PDE4D: variants seen among roughly 807,000 people sequenced by gnomAD.
PDE4D encodes 3',5'-cyclic-AMP phosphodiesterase 4D.
In PDE4D, 24 loss-of-function variants were observed where a neutral mutation model predicts 87.4. The ratio of observed to expected loss-of-function variants is 0.27; its 90% CI spans 0.20 to 0.39. The LOEUF is 0.39. Among genes scored for constraint, PDE4D ranks in the 10% least tolerant of loss-of-function variants. PDE4D has a pLI of 1.00. For synonymous variants in PDE4D, 384 were observed against 383.2 expected (o/e 1.00, Z -0.02); for missense variants, 714 against 1,041.0 (o/e 0.69, Z 4.32).
chr5:59,512,177 T>C (rs1218051317), intron 1 of PDE4D, among the ~76,000 whole-genome samples: 2 of 152,192 alleles, frequency 1.3e-5, no homozygotes, highest in African/African-American at 2.4e-5. Flanking sequence ...GAATACCATG[T>C]TGTAAAATCC....
chr5:59,119,635 C>T (rs1774159432), intron 5 of PDE4D, among the ~76,000 whole-genome samples: 1 of 152,116 alleles, frequency 6.6e-6, no homozygotes. Context: ...GTGACTTTTA[C>T]ATCAGTAACA....
At chr5:60,338,318 G>A (rs1227961687) in intron 1 of PDE4D, among the ~76,000 whole-genome samples, 1 of 152,158 alleles carries the variant, frequency 6.6e-6, no homozygotes, top group Non-Finnish European at 1.5e-5. Context: ...CAAAAACCCA[G>A]GCGCGCAAGA....
At chr5:60,224,238 C>G (rs1370328788) in intron 1 of PDE4D, among the ~76,000 whole-genome samples, 1 of 152,026 alleles carries the variant, frequency 6.6e-6, no homozygotes, top group Non-Finnish European at 1.5e-5. Context: ...TTTGTGAGTT[C>G]TTCTCTGACC....
intron 2 of PDE4D, among the ~76,000 whole-genome samples, chr5:60,063,144 A>T (rs1771652304): frequency 6.6e-6 from 1 of 151,180 alleles, no homozygotes; most frequent in African/African-American, 2.4e-5. Context: ...GAAAGAAAGA[A>T]AGAAAGAAAG....
intron 2 of PDE4D, among the ~76,000 whole-genome samples, chr5:60,089,707 T>C (rs1774911908): frequency 6.6e-6 from 1 of 150,656 alleles, no homozygotes; most frequent in Non-Finnish European, 1.5e-5. Flanking sequence ...CATAAATAAA[T>C]AAAATTTGAA....
chr5:60,218,369 A>G (rs1169944999), intron 1 of PDE4D, among the ~76,000 whole-genome samples: 1 of 151,984 alleles, frequency 6.6e-6, no homozygotes, highest in Non-Finnish European at 1.5e-5. Flanking sequence ...TTAACTGGGA[A>G]GGGATGAGAA....
chr5:59,999,008 G>A (rs1370593575), intron 2 of PDE4D, among the ~76,000 whole-genome samples: 1 of 152,146 alleles, frequency 6.6e-6, no homozygotes, highest in Non-Finnish European at 1.5e-5. Context: ...CTCCACCAGA[G>A]ACGCCAACTT....
intron 1 of PDE4D, among the ~76,000 whole-genome samples, chr5:59,781,166 C>CAAA (rs11450737): frequency 8.3e-4 from 57 of 68,548 alleles, no homozygotes; most frequent in Admixed American, 1.1e-3. Flanking sequence ...AACTCCTTCT[C>CAAA]AAAAAAAAAA....
chr5:59,661,911 T>C (rs1244661885), intron 1 of PDE4D, among the ~76,000 whole-genome samples: 3 of 152,208 alleles, frequency 2.0e-5, no homozygotes, highest in African/African-American at 2.4e-5. Context: ...TTATAGACTA[T>C]ATTATTGTTC....
intron 1 of PDE4D, among the ~76,000 whole-genome samples, chr5:59,474,448 C>T (rs1802966938): frequency 6.6e-6 from 1 of 152,048 alleles, no homozygotes; most frequent in South Asian, 2.1e-4. Flanking sequence ...GTAAGATTGC[C>T]CTTAGCCTCC....
chr5:60,311,844 T>C (rs549885001), intron 1 of PDE4D, among the ~76,000 whole-genome samples: 3 of 152,232 alleles, frequency 2.0e-5, no homozygotes, highest in East Asian at 1.9e-4. Context: ...GTGACACTCA[T>C]AGGCTCAAAG....
At chr5:59,205,280 A>G (rs1227022402) in intron 2 of PDE4D, among the ~76,000 whole-genome samples, 1 of 152,142 alleles carries the variant, frequency 6.6e-6, no homozygotes, top group Non-Finnish European at 1.5e-5. Flanking sequence ...CACTGAAGTG[A>G]AAATGTCTTT....
chr5:59,668,845 G>GAAGAAGAA (rs1746601354), intron 1 of PDE4D, among the ~76,000 whole-genome samples: 3 of 62,122 alleles, frequency 4.8e-5, no homozygotes, highest in African/African-American at 6.6e-5. Flanking sequence ...AAGAGGAAGA[G>GAAGAAGAA]GAAGAAGAAG....
At chr5:59,581,680 A>G (rs1432406381) in intron 1 of PDE4D, among the ~76,000 whole-genome samples, 1 of 152,202 alleles carries the variant, frequency 6.6e-6, no homozygotes, top group Non-Finnish European at 1.5e-5. Context: ...TACTAATAAC[A>G]ACTTTGCTCC....
chr5:59,746,149 G>C, intron 1 of PDE4D, among the ~76,000 whole-genome samples: 1 of 152,028 alleles, frequency 6.6e-6, no homozygotes, highest in Non-Finnish European at 1.5e-5. Context: ...TCATATTCAA[G>C]AACAGGATTT....
At position 59,639,104 on chromosome 5, in the gene PDE4D, C is replaced by T. The variant is rs1026208320; in HGVS notation, c.455+254064G>A. Among the ~76,000 whole-genome samples the T allele has an allele frequency of 4.6e-5, 7 of 152,056 alleles. No homozygotes were observed. In the East Asian group the frequency reaches 1.3e-3, roughly 29 times the overall value. ...CATTTTCCACAAATTTTTCTATGCA[C>T]ATTATTTAATAATTTTTTATAATAT... On this transcript the variant is annotated intron_variant, in intron 1 of 14. Coordinates refer to ENST00000340635, the MANE Select transcript of PDE4D (RefSeq NM_001104631.2).
intron 1 of PDE4D, among the ~76,000 whole-genome samples, chr5:59,455,903 G>T (rs1011865624): frequency 1.3e-5 from 2 of 152,196 alleles, no homozygotes; most frequent in Middle Eastern, 3.2e-3. Context: ...TGGGGCCTAT[G>T]GCCCCTTTGT....
chr5:59,668,546 C>T (rs1482198832), intron 1 of PDE4D, among the ~76,000 whole-genome samples: 3 of 151,776 alleles, frequency 2.0e-5, no homozygotes, highest in African/African-American at 7.3e-5. Context: ...CTTTTCTCTA[C>T]AAAATTTAAA....
At chr5:59,953,012 T>G (rs191712587) in intron 3 of PDE4D, among the ~76,000 whole-genome samples, 1 of 152,154 alleles carries the variant, frequency 6.6e-6, no homozygotes, top group Non-Finnish European at 1.5e-5. Context: ...AATAGAAAAC[T>G]AATACATCCC....
Sources: gnomAD v4.1 joint callset for allele counts (sites outside exome capture counted in the v4.1 genomes callset) on GRCh38, gnomAD v4.1.1 for gene constraint, MANE v1.5 for transcripts, NCBI Gene and HGNC (gene_info 2026-07-23, HGNC 2026-07-21) for gene names.